ZNF600: variants seen among roughly 807,000 people sequenced by gnomAD.
ZNF600 encodes zinc finger protein 600, also known as zinc finger protein KR-ZNF1.
A neutral mutation model predicts 7.3 loss-of-function variants in ZNF600; 4 were observed. That is an observed-to-expected ratio of 0.55 (90% confidence interval 0.27 to 1.25). ZNF600 has a LOEUF of 1.25. Ranked by LOEUF, ZNF600 falls within the 50% of genes most tolerant of loss-of-function variation. The pLI is 0.12. For synonymous variants in ZNF600, 290 were observed against 308.9 expected (o/e 0.94, Z 0.64); for missense variants, 911 against 922.1 (o/e 0.99, Z 0.16).
At chr19:52,826,699 C>T in the ZNF600 span, among the ~76,000 whole-genome samples, 2 of 151,744 alleles carry the variant, frequency 1.3e-5, no homozygotes, top group Non-Finnish European at 2.9e-5. Context: ...GAATGAGGCT[C>T]CATCTCAAAA....
chr19:52,785,969 C>T (rs2062760322), intron 1 of ZNF600, among the ~76,000 whole-genome samples: 1 of 152,126 alleles, frequency 6.6e-6, no homozygotes, highest in South Asian at 2.1e-4. Flanking sequence ...ATTCCTAACC[C>T]ATCCTCTACT....
chr19:52,822,431 A>G, the ZNF600 span, among the ~76,000 whole-genome samples: 3 of 152,150 alleles, frequency 2.0e-5, no homozygotes, highest in Non-Finnish European at 1.5e-5. Context: ...AAAACTAAAA[A>G]ATCTTCCCCG....
the ZNF600 span, among the ~76,000 whole-genome samples, chr19:52,804,149 G>C: frequency 1.3e-5 from 2 of 152,082 alleles, no homozygotes; most frequent in African/African-American, 2.4e-5. Context: ...ACTGTATTAG[G>C]ACACAGCAGG....
exon 4 of ZNF600, chr19:52,765,594 A>G: frequency 6.2e-7 from 1 of 1,613,462 alleles, no homozygotes; most frequent in Non-Finnish European, 8.5e-7. Flanking sequence ...ACATTAGTCA[A>G]GTTTCCCTAC....
the ZNF600 span, among the ~76,000 whole-genome samples, chr19:52,821,828 G>T: frequency 6.6e-6 from 1 of 151,928 alleles, no homozygotes; most frequent in Non-Finnish European, 1.5e-5. Context: ...TTTTGAACCC[G>T]GGAGATACAG....
At chr19:52,791,665 CT>C (rs1229182089), upstream of ZNF600, among the ~76,000 whole-genome samples, 1 of 152,220 alleles carries the variant, frequency 6.6e-6, no homozygotes, top group African/African-American at 2.4e-5. Flanking sequence ...AGACGTCACC[CT>C]CTGGAAAGAT....
chr19:52,770,575 C>A (rs1302038105), intron 3 of ZNF600, among the ~76,000 whole-genome samples: 1 of 152,056 alleles, frequency 6.6e-6, no homozygotes, highest in Admixed American at 6.6e-5. Context: ...GTTCACTATG[C>A]GTAAGATATA....
the ZNF600 span, among the ~76,000 whole-genome samples, chr19:52,803,339 C>T: frequency 3.3e-5 from 5 of 152,260 alleles, no homozygotes; most frequent in East Asian, 7.7e-4. Flanking sequence ...TCTCAGCCTC[C>T]CAAGACCTGG....
At chr19:52,829,899 C>T in the ZNF600 span, among the ~76,000 whole-genome samples, 3 of 152,094 alleles carry the variant, frequency 2.0e-5, no homozygotes, top group South Asian at 6.2e-4. Flanking sequence ...GCTGACAACT[C>T]TTATTACACA....
intron 3 of ZNF600, among the ~76,000 whole-genome samples, chr19:52,774,005 A>G (rs2062651622): frequency 6.6e-6 from 1 of 151,852 alleles, no homozygotes; most frequent in African/African-American, 2.4e-5. Context: ...GGCGTGTGCC[A>G]CTACACCCAG....
chr19:52,832,816 G>T, the ZNF600 span, among the ~76,000 whole-genome samples: 1 of 151,916 alleles, frequency 6.6e-6, no homozygotes, highest in African/African-American at 2.4e-5. Flanking sequence ...CTGTTGCCTA[G>T]GCTGGAGTGC....
chr19:52,827,792 G>A, the ZNF600 span, among the ~76,000 whole-genome samples: 61 of 151,828 alleles, frequency 4.0e-4, no homozygotes, highest in Middle Eastern at 3.4e-3. Flanking sequence ...TGATCCACCC[G>A]CCTCAGCCTC....
downstream of ZNF600, chr19:52,764,478 T>C (rs934603502): frequency 2.6e-5 from 3 of 117,068 alleles, no homozygotes; most frequent in African/African-American, 1.1e-4. Flanking sequence ...TACCAAAGTG[T>C]TGTGATTGCA....
the ZNF600 span, chr19:52,821,731 C>A: frequency 6.6e-6 from 1 of 152,106 alleles, no homozygotes; most frequent in Non-Finnish European, 1.5e-5. Context: ...CGCGAAGCGG[C>A]GAGACCTTGC....
At chr19:52,796,580 A>C in the ZNF600 span, among the ~76,000 whole-genome samples, 10 of 152,146 alleles carry the variant, frequency 6.6e-5, no homozygotes, top group Non-Finnish European at 1.3e-4. Flanking sequence ...CATCCTCCCA[A>C]TGCAGTCTCC....
chr19:52,774,047 A>G (rs1488773896), intron 3 of ZNF600, among the ~76,000 whole-genome samples: 2 of 152,068 alleles, frequency 1.3e-5, no homozygotes, highest in African/African-American at 2.4e-5. Context: ...AGTAAAGAGA[A>G]GAAACCAACC....
intron 1 of ZNF600, among the ~76,000 whole-genome samples, chr19:52,785,681 C>T (rs1568636822): frequency 6.6e-6 from 1 of 152,108 alleles, no homozygotes; most frequent in East Asian, 1.9e-4. Context: ...TGTTATACCC[C>T]TCTGTCCCCA....
upstream of ZNF600, among the ~76,000 whole-genome samples, chr19:52,791,746 G>A (rs1316883068): frequency 4.6e-5 from 7 of 152,196 alleles, no homozygotes; most frequent in African/African-American, 1.7e-4. Context: ...ACCTACAAGT[G>A]TATGTTTGAC....
At chr19:52,829,228 A>C in the ZNF600 span, among the ~76,000 whole-genome samples, 1 of 137,500 alleles carries the variant, frequency 7.3e-6, no homozygotes. Flanking sequence ...ATTTTATTTT[A>C]TTTTACTTTA....
Sources: allele counts gnomAD v4.1 joint callset (sites outside exome capture counted in the v4.1 genomes callset), GRCh38; gene constraint gnomAD v4.1.1; transcripts MANE v1.5; gene names NCBI Gene and HGNC (gene_info 2026-07-23, HGNC 2026-07-21).